DNM1L: variants seen among roughly 807,000 people sequenced by gnomAD.
DNM1L encodes the protein dynamin-1-like protein.
In DNM1L, 33 loss-of-function variants were observed where a neutral mutation model predicts 92.8. The observed-to-expected ratio is 0.36, with a 90% CI of 0.27 to 0.48. The LOEUF (loss-of-function observed/expected upper bound fraction) is 0.48, where lower values mean the gene tolerates loss of function less well. Among genes scored for constraint, DNM1L ranks in the 20% least tolerant of loss-of-function variants. DNM1L has a pLI of 0.99. For missense variants in DNM1L, 485 were observed against 888.8 expected (o/e 0.55, Z 5.78); for synonymous variants, 284 against 305.0 (o/e 0.93, Z 0.72).
chr12:32,721,449 T>C (rs1480816362), intron 8 of DNM1L, among the ~76,000 whole-genome samples: 1 of 152,190 alleles, frequency 6.6e-6, no homozygotes, highest in Non-Finnish European at 1.5e-5. Flanking sequence ...ATTGATTGGG[T>C]GGCTTATTTT....
chr12:32,697,879 A>G (rs1345704416), intron 1 of DNM1L, among the ~76,000 whole-genome samples: 3 of 152,226 alleles, frequency 2.0e-5, no homozygotes, highest in Admixed American at 2.0e-4. Context: ...GTCATTTGGA[A>G]AGTCTCATAA....
chr12:32,679,550 G>GC, intron 1 of DNM1L, 85 bp downstream of exon 1: 1 of 1,450,150 alleles, frequency 6.9e-7, no homozygotes, highest in Non-Finnish European at 9.3e-7. Context: ...TCCCGCGCCA[G>GC]CGCCCACTCC....
chr12:32,698,088 A>C (rs1952544933), intron 1 of DNM1L, among the ~76,000 whole-genome samples: 1 of 152,196 alleles, frequency 6.6e-6, no homozygotes, highest in Non-Finnish European at 1.5e-5. Context: ...CAGGAATGAA[A>C]TGATGGAAAG....
intron 2 of DNM1L, among the ~76,000 whole-genome samples, chr12:32,706,264 C>A (rs1565506346): frequency 6.6e-6 from 1 of 152,112 alleles, no homozygotes; most frequent in African/African-American, 2.4e-5. Context: ...CAAAAAGGAT[C>A]CGGTTTTATT....
chr12:32,724,443 G>T (rs938046481), intron 9 of DNM1L, among the ~76,000 whole-genome samples: 12 of 151,278 alleles, frequency 7.9e-5, no homozygotes, highest in Non-Finnish European at 1.3e-4. Context: ...GGGCGTGGTG[G>T]CACGTGCCTG....
chr12:32,701,659 T>A, intron 2 of DNM1L, 97 bp downstream of exon 2: 2 of 1,125,066 alleles, frequency 1.8e-6, no homozygotes. Context: ...AATTAGTGAC[T>A]GTAGCATAGT....
chr12:32,741,234 A>G (rs1955262977), intron 18 of DNM1L, among the ~76,000 whole-genome samples: 1 of 152,238 alleles, frequency 6.6e-6, no homozygotes, highest in South Asian at 2.1e-4. Context: ...AGTGTTTTAC[A>G]CTGTGGGCCT....
intron 13 of DNM1L, among the ~76,000 whole-genome samples, chr12:32,735,767 T>C (rs2137552053): frequency 1.3e-5 from 2 of 151,876 alleles, no homozygotes; most frequent in African/African-American, 4.8e-5. Flanking sequence ...TCCCAGCTAG[T>C]AGGGAGGCTG....
At chr12:32,692,998 A>T (rs1565492593) in intron 1 of DNM1L, 1 of 152,196 alleles carries the variant, frequency 6.6e-6, no homozygotes, top group Non-Finnish European at 1.5e-5. Context: ...TGTTTTTGTA[A>T]ACAGTGGTAC....
intron 2 of DNM1L, 187 bp from the exon 3 acceptor site, chr12:32,707,180 A>G: frequency 6.0e-6 from 3 of 501,186 alleles, no homozygotes; most frequent in Non-Finnish European, 1.1e-5. Flanking sequence ...TTTTTAAAAT[A>G]TAATTTAGCA....
At chr12:32,732,414 G>A in intron 12 of DNM1L, 2 of 434,550 alleles carry the variant, frequency 4.6e-6, no homozygotes, top group Non-Finnish European at 9.2e-6. Context: ...GTGGGTTGCT[G>A]CTATCCACAC....
rs145616959 is a variant in DNM1L, at chr12:32,702,858, T to G, written c.250+1296T>G. The stretch of plus-strand genomic sequence containing the variant: ...CATTAGGTAGCTTCTGGGTATGTTA[T>G]TCATCACTTTGCATTTCTCTAATAC... On this transcript the variant is annotated intron_variant, in intron 2 of 19. Coordinates refer to ENST00000549701, the MANE Select transcript of DNM1L (RefSeq NM_012062.5). 2.6e-3 allele frequency among the ~76,000 whole-genome samples: 402 copies of G among 152,306 alleles called. 4 individuals carry two copies. Among genetic ancestry groups the G allele is most frequent in the African/African-American group, 8.9e-3 (370 of 41,554 alleles).
At chr12:32,702,526 T>C (rs1952755649) in intron 2 of DNM1L, among the ~76,000 whole-genome samples, 1 of 152,168 alleles carries the variant, frequency 6.6e-6, no homozygotes, top group Non-Finnish European at 1.5e-5. Flanking sequence ...GAGTACCATA[T>C]CTGTTTCTTA....
intron 1 of DNM1L, among the ~76,000 whole-genome samples, chr12:32,689,511 A>G (rs965205439): frequency 6.6e-6 from 1 of 152,236 alleles, no homozygotes; most frequent in African/African-American, 2.4e-5. Flanking sequence ...TTTAAATACC[A>G]TAAGATTAAC....
rs1028619005 is a variant in DNM1L, at chr12:32,720,604, T to C, written c.741-60T>C. 100 of 1,611,154 alleles carry C rather than the reference T, an allele frequency of 6.2e-5. No homozygotes were observed. The East Asian group carries it at 2.1e-3, about 35-fold the overall frequency. ...AGAACAATGCCTGGTGCTGTCATCA[T>C]CTAAGGTAGGAAGAGGACAACAGTT... On this transcript the variant is annotated intron_variant, in intron 7 of 19. Transcript: ENST00000549701.
At chr12:32,709,717 A>C (rs1953051858) in intron 4 of DNM1L, 1 of 152,168 alleles carries the variant, frequency 6.6e-6, no homozygotes, top group Admixed American at 6.6e-5. Context: ...AATGTCTGTG[A>C]GTTTGGAGTT....
At chr12:32,733,865 A>T (rs1954713794) in intron 13 of DNM1L, 58 bp downstream of exon 13, 1 of 1,449,656 alleles carries the variant, frequency 6.9e-7, no homozygotes, top group African/African-American at 1.4e-5. Flanking sequence ...TAACTCAGTT[A>T]TATCAAACTT....
At chr12:32,700,601 C>A (rs148323410) in intron 1 of DNM1L, among the ~76,000 whole-genome samples, 1 of 151,878 alleles carries the variant, frequency 6.6e-6, no homozygotes, top group Admixed American at 6.6e-5. Context: ...AAAAATTAGC[C>A]AGGTATAGTA....
chr12:32,743,295 T>A, intron 19 of DNM1L, 59 bp from the exon 20 acceptor site: 1 of 1,486,488 alleles, frequency 6.7e-7, no homozygotes, highest in Non-Finnish European at 9.3e-7. Context: ...CCCTGCGTAA[T>A]TCAGATTAAT....
Sources: gnomAD v4.1 joint callset for allele counts (sites outside exome capture counted in the v4.1 genomes callset) on GRCh38, gnomAD v4.1.1 for gene constraint, MANE v1.5 for transcripts, NCBI Gene and HGNC (gene_info 2026-07-23, HGNC 2026-07-21) for gene names.